The following DMBT1 variants were observed in gnomAD, a reference collection of about 807,000 sequenced individuals.
DMBT1 encodes the protein scavenger receptor cysteine-rich domain-containing protein DMBT1.
A neutral mutation model predicts 252.9 loss-of-function variants in DMBT1; 198 were observed. The observed-to-expected ratio is 0.78, with a 90% CI of 0.70 to 0.88. The LOEUF is 0.88. DMBT1 is among the 40% of genes least tolerant of loss of function. The probability of loss-of-function intolerance (pLI) is 0.00; values close to 1 mark genes in which losing one functional copy is unlikely to be tolerated. For missense variants in DMBT1, 2,432 were observed against 2,404.7 expected (o/e 1.01, Z -0.24); for synonymous variants, 990 against 942.7 (o/e 1.05, Z -0.92).
chr10:122,598,527 A>G (rs779239512), intron 25 of DMBT1, among the ~76,000 whole-genome samples: 5 of 152,152 alleles, frequency 3.3e-5, no homozygotes, highest in East Asian at 1.9e-4. Flanking sequence ...TGGGGTTTCC[A>G]TTCCTGTTAA....
At chr10:122,565,328 A>G (rs2097580991) in intron 1 of DMBT1, among the ~76,000 whole-genome samples, 1 of 152,202 alleles carries the variant, frequency 6.6e-6, no homozygotes, top group African/African-American at 2.4e-5. Flanking sequence ...TTTTAAATGA[A>G]TAAATACTCT....
chr10:122,631,672 C>T lies in DMBT1; in HGVS notation c.6347-183C>T, dbSNP rs143244160. On this transcript the variant is annotated intron_variant, in intron 49 of 55. Transcript: ENST00000338354. ...GTAATCCTGATGACCACAAGTATGA[C>T]GGGACTTAGGGAGCATCTGGGGAAG... Among the ~76,000 whole-genome samples the T allele has an allele frequency of 1.3e-3, 199 of 152,092 alleles. 1 individual carries two copies. The highest frequency in any genetic ancestry group is 4.6e-3 in the African/African-American group (191 of 41,490).
chr10:122,567,193 G>A (rs528469460), intron 2 of DMBT1, among the ~76,000 whole-genome samples: 1 of 152,358 alleles, frequency 6.6e-6, no homozygotes, highest in Admixed American at 6.5e-5. Context: ...CCAACACAGA[G>A]CAAGGGAGAG....
chr10:122,590,527 G>A lies in DMBT1; in HGVS notation c.2108-138G>A, dbSNP rs1591341583. ...TTTCAAGGAGCATCTTTGTGGGGAC[G>A]TGCATGGCAATGCCCCTCCCTCTGT... On this transcript the variant is annotated intron_variant, in intron 17 of 55. Transcript: ENST00000338354. 17 of 1,086,688 alleles carry A rather than the reference G, an allele frequency of 1.6e-5. 3 individuals carry two copies. Among genetic ancestry groups the A allele is most frequent in the South Asian group, 6.9e-5 (5 of 72,310 alleles). The allele number at this position is 1,086,688 out of a possible 1,614,324, so 67.3% of individuals were successfully genotyped here.
chr10:122,630,680 C>T (rs569150097), intron 48 of DMBT1, among the ~76,000 whole-genome samples, 190 bp downstream of exon 48: 1 of 152,280 alleles, frequency 6.6e-6, no homozygotes, highest in Admixed American at 6.5e-5. Flanking sequence ...GGGGGTTCCA[C>T]CTGGCCTTGG....
chr10:122,634,372 C>CTTTCTTTCTTTCTT (rs1555030176), intron 52 of DMBT1, among the ~76,000 whole-genome samples: 5 of 127,514 alleles, frequency 3.9e-5, no homozygotes, highest in East Asian at 4.3e-4. Flanking sequence ...TTCTTTCTTT[C>CTTTCTTTCTTTCTT]TTTCTTTCTT....
chr10:122,568,596 T>C (rs528879512), intron 2 of DMBT1, among the ~76,000 whole-genome samples: 1 of 152,140 alleles, frequency 6.6e-6, no homozygotes, highest in Non-Finnish European at 1.5e-5. Flanking sequence ...TCACTGCAGG[T>C]CTGCCTCTGA....
chr10:122,572,388 T>C (rs763099795), intron 5 of DMBT1, 27 bp downstream of exon 5: 3 of 1,610,908 alleles, frequency 1.9e-6, no homozygotes, highest in Admixed American at 1.7e-5. Flanking sequence ...GGGAGCTCTA[T>C]GGGCTCATTA....
chr10:122,580,940 C>A lies in DMBT1; in HGVS notation c.1033+45C>A, dbSNP rs544532913. On this transcript the variant is annotated intron_variant, in intron 11 of 55. Coordinates refer to ENST00000338354, the MANE Select transcript of DMBT1 (RefSeq NM_001377530.1). ...CCTCAAAATGTCCCTTCTCTTTCTG[C>A]CCAATCACCCCTTCCACACTCCACA... is the stretch of plus-strand genomic sequence containing the variant. The A allele has an allele frequency of 8.5e-5, 136 of 1,607,024 alleles. 2 individuals are homozygous for A. The South Asian group carries it at 1.5e-3, about 17-fold the overall frequency.
Position 122,589,835 on chromosome 10 carries a change from G to A in DMBT1, c.2107+568G>A, listed in dbSNP as rs1464841263. On this transcript the variant is annotated intron_variant, in intron 17 of 55. Transcript: ENST00000338354. The stretch of plus-strand genomic sequence containing the variant: ...AAGAACTCACCCCTGATCAGGGAGG[G>A]CACTAAGTTGTTCATGAATGGTTGG... Among the ~76,000 whole-genome samples the A allele has an allele frequency of 6.1e-5, 9 of 148,506 alleles. 4 individuals are homozygous for A. In the East Asian group the frequency reaches 1.9e-3, roughly 31 times the overall value.
Position 122,618,141 on chromosome 10 carries a change from C to T in DMBT1, c.5016C>T (p.Ala1672=), listed in dbSNP as rs2098017268. The part of the protein sequence containing the change: ...VCDDYWDTND[A]NVVCRQLGCG... The stretch of plus-strand genomic sequence containing the variant: ...ATGACTACTGGGACACCAATGATGC[C>T]AACGTGGTCTGCAGGCAGCTGGGCT... The change falls in exon 41 of 56, where the codon GCC becomes GCT. Residue 1672 remains alanine, a synonymous_variant. Coordinates refer to ENST00000338354, the MANE Select transcript of DMBT1 (RefSeq NM_001377530.1). The T allele has an allele frequency of 1.2e-6, 2 of 1,613,946 alleles. No homozygotes were observed. Among genetic ancestry groups the T allele is most frequent in the Non-Finnish European group, 8.5e-7 (1 of 1,179,890 alleles).
chr10:122,591,401 C>G, intron 18 of DMBT1, 78 bp from the exon 19 acceptor site: 1 of 1,437,692 alleles, frequency 7.0e-7, no homozygotes, highest in Non-Finnish European at 9.7e-7. Flanking sequence ...TGATGCTTGC[C>G]TTGTCCAGAG....
rs1373389944 is a variant in DMBT1 at position 122,630,457 on chromosome 10, G to A, written c.5992G>A (p.Gly1998Ser). The change falls in exon 48 of 56, where the codon GGC (glycine) becomes AGC (serine). Residue 1998 changes from glycine to serine, a missense_variant. By Grantham distance (56) the Gly-to-Ser change is moderately conservative. Around this residue, in one of 3 missense-constraint regions of DMBT1, gnomAD observed 1,162 missense variants for 1,169.0 expected, o/e 0.99. Transcript: ENST00000338354. ...FRSDISFQNT[G>S]FLAWYNSFPS... ...AAGTGACATCAGTTTCCAAAACACTGGCTTTTTGGCTTGGTATAACTCCTT... is the reference window on the plus strand; with the variant it reads ...AAGTGACATCAGTTTCCAAAACACTAGCTTTTTGGCTTGGTATAACTCCTT... 3 of 1,613,942 alleles carry A rather than the reference G, an allele frequency of 1.9e-6. No homozygotes were observed. Among genetic ancestry groups the A allele is most frequent in the Non-Finnish European group, 2.5e-6 (3 of 1,179,896 alleles).
At chr10:122,628,062 G>A (rs1489094863) in intron 46 of DMBT1, among the ~76,000 whole-genome samples, 3 of 152,190 alleles carry the variant, frequency 2.0e-5, no homozygotes, top group Non-Finnish European at 4.4e-5. Flanking sequence ...CCTTATGCAC[G>A]GCTGCAGGGA....
chr10:122,598,027 C>A lies in DMBT1; in HGVS notation c.2956+15C>A, dbSNP rs371871572. 1 of 1,613,802 alleles carries A rather than the reference C, an allele frequency of 6.2e-7. No individual in the cohort carries two copies. The highest frequency in any genetic ancestry group is 1.3e-5 in the African/African-American group (1 of 74,896). On this transcript the variant is annotated intron_variant, in intron 25 of 55. Transcript: ENST00000338354. Reference sequence around the variant, plus strand: ...ATCGACAGTAGGTAAATATTCCTCTCGCCCCTCCCTAGGGCTCACTCTCTA... The same window carrying A: ...ATCGACAGTAGGTAAATATTCCTCTAGCCCCTCCCTAGGGCTCACTCTCTA...
chr10:122,629,817 G>C, intron 46 of DMBT1, 23 bp from the exon 47 acceptor site: 3 of 1,611,128 alleles, frequency 1.9e-6, no homozygotes, highest in South Asian at 1.1e-5. Flanking sequence ...GTACAATGGA[G>C]ATGTCCCCTC....
chr10:122,587,981 G>T (rs1408570914), intron 16 of DMBT1, among the ~76,000 whole-genome samples: 1 of 148,510 alleles, frequency 6.7e-6, no homozygotes, highest in Non-Finnish European at 1.5e-5. Flanking sequence ...CTGGGCTGAA[G>T]AGTTGGGCAG....
At chr10:122,637,056 C>T (rs1453795652) in intron 53 of DMBT1, 72 bp from the exon 54 acceptor site, 4 of 1,457,484 alleles carry the variant, frequency 2.7e-6, no homozygotes, top group African/African-American at 1.4e-5. Context: ...TAAGTGGAAA[C>T]AGCCTCTGGC....
intron 49 of DMBT1, 53 bp downstream of exon 49, chr10:122,631,334 A>G (rs983073080): frequency 6.3e-7 from 1 of 1,590,992 alleles, no homozygotes; most frequent in Non-Finnish European, 8.6e-7. Flanking sequence ...GCTATAAAGC[A>G]AGAGCTTAAG....
Sources: gnomAD v4.1 joint callset for allele counts (sites outside exome capture counted in the v4.1 genomes callset) on GRCh38, gnomAD v4.1.1 for gene constraint, gnomAD v4.1.1 regional missense constraint, MANE v1.5 for transcripts, NCBI Gene and HGNC (gene_info 2026-07-23, HGNC 2026-07-21) for gene names.